Variants in MCTP1 observed in about 807,000 individuals in gnomAD.
MCTP1 encodes the protein multiple C2 and transmembrane domain-containing protein 1.
Under a neutral mutation model 120.6 loss-of-function variants are expected in MCTP1, and 69 were observed. The observed-to-expected ratio is 0.57, with a 90% CI of 0.47 to 0.70. The LOEUF is 0.70. Among genes scored for constraint, MCTP1 ranks in the 30% least tolerant of loss-of-function variants. MCTP1 has a pLI of 0.00. For synonymous variants in MCTP1, 529 were observed against 493.1 expected (o/e 1.07, Z -0.96); for missense variants, 1,203 against 1,248.8 (o/e 0.96, Z 0.55).
At chr5:95,069,385 T>A (rs1203177651) in intron 1 of MCTP1, among the ~76,000 whole-genome samples, 1 of 151,976 alleles carries the variant, frequency 6.6e-6, no homozygotes, top group Admixed American at 6.6e-5. Context: ...AATTCAAACA[T>A]AATAAAGTAA....
At chr5:95,017,050 A>G (rs1837258132) in intron 2 of MCTP1, among the ~76,000 whole-genome samples, 1 of 152,132 alleles carries the variant, frequency 6.6e-6, no homozygotes, top group African/African-American at 2.4e-5. Context: ...AAGTTCTGAC[A>G]TGGCTTCAAA....
At chr5:94,928,491 G>A (rs1477722392) in intron 6 of MCTP1, among the ~76,000 whole-genome samples, 2 of 152,092 alleles carry the variant, frequency 1.3e-5, no homozygotes, top group African/African-American at 4.8e-5. Context: ...AACACATTTT[G>A]TCACATAAGT....
At chr5:94,824,576 T>C (rs1449553577) in intron 17 of MCTP1, among the ~76,000 whole-genome samples, 12 of 152,198 alleles carry the variant, frequency 7.9e-5, no homozygotes, top group Non-Finnish European at 1.6e-4. Context: ...GGAGTCCCTC[T>C]TTTTCTATTG....
chr5:95,155,682 C>G (rs1012707837), intron 1 of MCTP1, among the ~76,000 whole-genome samples: 3 of 152,126 alleles, frequency 2.0e-5, no homozygotes, highest in Non-Finnish European at 4.4e-5. Context: ...TTAAACTGCA[C>G]AGACCTCAAA....
chr5:95,006,641 G>C (rs559708371), intron 2 of MCTP1, among the ~76,000 whole-genome samples: 1 of 152,218 alleles, frequency 6.6e-6, no homozygotes, highest in East Asian at 1.9e-4. Context: ...GCCTTTTCTT[G>C]ATCAAGATAG....
intron 6 of MCTP1, among the ~76,000 whole-genome samples, chr5:94,929,248 CTATCTTTAAGTCTTTGCTACAAAATT>C (rs1813925822): frequency 6.6e-6 from 1 of 152,154 alleles, no homozygotes; most frequent in Admixed American, 6.5e-5. Context: ...ACAACACTGG[CTATCTTTAAGTCTTTGCTACAAAATT>C]TACACTTCTT....
rs375352255 is a variant in MCTP1, at chr5:94,994,769, C to T, written c.838+22598G>A. ...CAGACCCGCCCTCCATCTGGGTGGG[C>T]ACAATCTAATCAGCTGCCAGCAGGG... On this transcript the variant is annotated intron_variant, in intron 2 of 22. Coordinates refer to ENST00000515393, the MANE Select transcript of MCTP1 (RefSeq NM_024717.7). Among the ~76,000 whole-genome samples, 3 of 152,278 alleles carry T rather than the reference C, an allele frequency of 2.0e-5. No individual in the cohort carries two copies. In the South Asian group the frequency reaches 6.2e-4, roughly 32 times the overall value.
chr5:94,927,870 T>C (rs767015726), intron 6 of MCTP1, among the ~76,000 whole-genome samples: 16 of 152,074 alleles, frequency 1.1e-4, no homozygotes, highest in Non-Finnish European at 1.9e-4. Flanking sequence ...ATTCAACCAA[T>C]GAATAAAGTG....
At chr5:95,137,553 T>C (rs1422896617) in intron 1 of MCTP1, among the ~76,000 whole-genome samples, 1 of 152,250 alleles carries the variant, frequency 6.6e-6, no homozygotes, top group African/African-American at 2.4e-5. Context: ...TCCTCTTATT[T>C]GCATGGACAT....
At chr5:95,036,576 C>T (rs143759208) in intron 1 of MCTP1, among the ~76,000 whole-genome samples, 3 of 152,258 alleles carry the variant, frequency 2.0e-5, no homozygotes, top group Admixed American at 6.5e-5. Context: ...TGAGTTTCCT[C>T]GTCAGAACCC....
chr5:95,032,582 C>T (rs1200648219), intron 1 of MCTP1, among the ~76,000 whole-genome samples: 4 of 151,886 alleles, frequency 2.6e-5, no homozygotes, highest in Non-Finnish European at 4.4e-5. Flanking sequence ...TGGAATACAG[C>T]AAAAGCAGTG....
chr5:95,192,836 T>C (rs1355209458), intron 1 of MCTP1, among the ~76,000 whole-genome samples: 1 of 152,138 alleles, frequency 6.6e-6, no homozygotes, highest in Non-Finnish European at 1.5e-5. Context: ...ACGGTTCCAG[T>C]GACATTTCCT....
chr5:95,215,450 AAAAC>A (rs1279330180), intron 1 of MCTP1, among the ~76,000 whole-genome samples: 2 of 152,212 alleles, frequency 1.3e-5, no homozygotes, highest in African/African-American at 4.8e-5. Context: ...TATCATGTAA[AAAAC>A]AATAATCAGC....
intron 12 of MCTP1, among the ~76,000 whole-genome samples, chr5:94,879,134 G>A (rs887255956): frequency 2.9e-4 from 44 of 152,194 alleles, no homozygotes; most frequent in African/African-American, 9.6e-4. Flanking sequence ...TGTCAGAGAA[G>A]TAATGGGGAA....
At chr5:95,133,398 G>A (rs1361701717) in intron 1 of MCTP1, among the ~76,000 whole-genome samples, 4 of 152,226 alleles carry the variant, frequency 2.6e-5, no homozygotes, top group Admixed American at 6.5e-5. Context: ...AAGGCCGGGT[G>A]CAGTGGCTCA....
intron 1 of MCTP1, among the ~76,000 whole-genome samples, chr5:95,025,507 G>T (rs972823705): frequency 6.6e-6 from 1 of 152,222 alleles, no homozygotes; most frequent in African/African-American, 2.4e-5. Flanking sequence ...TTAAGTTGCA[G>T]ATTATAACAC....
At chr5:95,213,108 G>A in intron 1 of MCTP1, among the ~76,000 whole-genome samples, 1 of 152,108 alleles carries the variant, frequency 6.6e-6, no homozygotes, top group Non-Finnish European at 1.5e-5. Flanking sequence ...TGTATATCTA[G>A]AAAACCCCAT....
chr5:95,131,462 A>G (rs1442180868), intron 1 of MCTP1, among the ~76,000 whole-genome samples: 1 of 152,226 alleles, frequency 6.6e-6, no homozygotes, highest in Non-Finnish European at 1.5e-5. Flanking sequence ...AGTTAATAAT[A>G]TAACACAAGA....
intron 1 of MCTP1, among the ~76,000 whole-genome samples, chr5:95,275,417 C>G (rs572392008): frequency 6.6e-6 from 1 of 152,174 alleles, no homozygotes; most frequent in Admixed American, 6.5e-5. Context: ...CTCCCTGGTC[C>G]ACCATGGCCC....
Sources: gnomAD v4.1 joint callset for allele counts (sites outside exome capture counted in the v4.1 genomes callset) on GRCh38, gnomAD v4.1.1 for gene constraint, MANE v1.5 for transcripts, NCBI Gene and HGNC (gene_info 2026-07-23, HGNC 2026-07-21) for gene names.